The following DNAH11 variants were observed in gnomAD, a reference collection of about 807,000 sequenced individuals.
The protein encoded by DNAH11 is dynein axonemal heavy chain 11.
Under a neutral mutation model 526.0 loss-of-function variants are expected in DNAH11, and 442 were observed. The ratio of observed to expected loss-of-function variants is 0.84; its 90% CI spans 0.78 to 0.91. DNAH11 has a LOEUF of 0.91. DNAH11 is among the 40% of genes least tolerant of loss of function. DNAH11 has a pLI of 0.00. For missense variants in DNAH11, 6,989 were observed against 5,448.7 expected (o/e 1.28, Z -8.90); for synonymous variants, 2,461 against 1,935.9 (o/e 1.27, Z -7.12).
chr7:21,545,827 A>G (rs1782785546), intron 2 of DNAH11, among the ~76,000 whole-genome samples: 2 of 152,186 alleles, frequency 1.3e-5, no homozygotes, highest in Admixed American at 6.5e-5. Context: ...TTTGTGGACT[A>G]GCTTTGAAGA....
chr7:21,555,057 A>C (rs1010394900), intron 2 of DNAH11, among the ~76,000 whole-genome samples: 2 of 152,156 alleles, frequency 1.3e-5, no homozygotes, highest in Non-Finnish European at 2.9e-5. Context: ...TTCACTGGGC[A>C]GGAACTTTTT....
intron 65 of DNAH11, among the ~76,000 whole-genome samples, chr7:21,828,536 C>T (rs1790408465): frequency 6.6e-6 from 1 of 152,030 alleles, no homozygotes; most frequent in African/African-American, 2.4e-5. Flanking sequence ...AGTTGTTTGA[C>T]TTTATCTGAA....
intron 62 of DNAH11, among the ~76,000 whole-genome samples, chr7:21,805,626 A>T (rs17145504): frequency 0.012 from 1,770 of 152,296 alleles, 39 homozygotes; most frequent in African/African-American, 0.04. Flanking sequence ...TTATATAATT[A>T]GACTGTTTTC....
chr7:21,685,640 T>G (rs931565060), intron 32 of DNAH11, among the ~76,000 whole-genome samples: 28 of 152,214 alleles, frequency 1.8e-4, no homozygotes, highest in African/African-American at 6.8e-4. Flanking sequence ...GTTCAGAGAC[T>G]TAAGTCAACT....
chr7:21,695,892 GA>G (rs551747053), intron 35 of DNAH11, among the ~76,000 whole-genome samples: 2,396 of 149,610 alleles, frequency 0.016, 52 homozygotes, highest in African/African-American at 0.053. Flanking sequence ...AATTTAGAAG[GA>G]AAAAAAAACC....
chr7:21,660,828 C>T (rs1203049938), intron 30 of DNAH11, among the ~76,000 whole-genome samples: 2 of 151,912 alleles, frequency 1.3e-5, no homozygotes, highest in Non-Finnish European at 2.9e-5. Context: ...ATTTTACATT[C>T]CATACATTTA....
intron 69 of DNAH11, among the ~76,000 whole-genome samples, chr7:21,862,427 T>G (rs1001671089): frequency 1.3e-5 from 2 of 152,200 alleles, no homozygotes; most frequent in African/African-American, 4.8e-5. Context: ...GCGACTGGGT[T>G]CGTCCATGTT....
intron 62 of DNAH11, among the ~76,000 whole-genome samples, chr7:21,806,124 C>G (rs2127995635): frequency 6.6e-6 from 1 of 152,304 alleles, no homozygotes; most frequent in Middle Eastern, 3.4e-3. Context: ...CATGTTCCAA[C>G]TCTTAAACCC....
intron 20 of DNAH11, among the ~76,000 whole-genome samples, chr7:21,607,449 A>G (rs1250025159): frequency 6.6e-6 from 1 of 152,174 alleles, no homozygotes; most frequent in African/African-American, 2.4e-5. Context: ...CAGTCCAATC[A>G]TGTTGACAGT....
intron 61 of DNAH11, among the ~76,000 whole-genome samples, chr7:21,789,914 C>T (rs1254795213): frequency 1.5e-5 from 2 of 129,170 alleles, no homozygotes; most frequent in Non-Finnish European, 3.2e-5. Flanking sequence ...CTCCCTCCCT[C>T]CCTTCCTTCC....
rs1432039418 is a variant in DNAH11 at position 21,617,619 on chromosome 7, G to A, written c.4096G>A (p.Glu1366Lys). ...MDVELRRFAK[E>K]IWSLNKEVRV... ...GGTTTTTTCCTCCACTTTTCTTTAG[G>A]AAATTTGGTCACTCAACAAGGAAGT... Residue 1366 changes from glutamate (E) to lysine (K), a missense_variant and splice_region_variant, in exon 23 of 82, where the codon GAA (glutamate) becomes AAA (lysine). Transcript: ENST00000409508. 6.2e-7 allele frequency: 1 copy of A among 1,613,580 alleles called. No individual in the cohort carries two copies. Among genetic ancestry groups the A allele is most frequent in the East Asian group, 2.2e-5 (1 of 44,858 alleles).
chr7:21,776,627 G>A (rs1432300822), intron 56 of DNAH11, among the ~76,000 whole-genome samples: 2 of 152,154 alleles, frequency 1.3e-5, no homozygotes, highest in East Asian at 3.8e-4. Flanking sequence ...TTTCTTCATA[G>A]AGAAAGCCTT....
rs753977245 is a variant in DNAH11, at chr7:21,738,683, AAT to A, written c.7646-13_7646-12del. On this transcript the variant is annotated splice_polypyrimidine_tract_variant and intron_variant, in intron 46 of 81. Coordinates refer to ENST00000409508, the MANE Select transcript of DNAH11 (RefSeq NM_001277115.2). The stretch of plus-strand genomic sequence containing the variant: ...TACATTCTGTTGATGGGTGGACAGA[AAT>A]ATATGTTTATTTCAGAAATTCTTGA... 59 of 1,551,436 alleles carry A rather than the reference AAT, an allele frequency of 3.8e-5. No homozygotes were observed. Among genetic ancestry groups the A allele is most frequent in the Non-Finnish European group, 4.6e-5 (53 of 1,149,134 alleles).
chr7:21,700,568 A>C (rs557559530), intron 36 of DNAH11, among the ~76,000 whole-genome samples: 1 of 152,290 alleles, frequency 6.6e-6, no homozygotes, highest in South Asian at 2.1e-4. Context: ...CAAAGTTCTT[A>C]TTCTCAGAAA....
At chr7:21,779,883 T>A (rs1787861201) in intron 57 of DNAH11, among the ~76,000 whole-genome samples, 2 of 152,210 alleles carry the variant, frequency 1.3e-5, no homozygotes, top group African/African-American at 4.8e-5. Context: ...AGGGCCTAAT[T>A]AATAAAAAGT....
chr7:21,805,688 T>C (rs1455916254), intron 62 of DNAH11, among the ~76,000 whole-genome samples: 1 of 152,202 alleles, frequency 6.6e-6, no homozygotes, highest in Non-Finnish European at 1.5e-5. Context: ...AAGTAGGCCC[T>C]ACCATGTGTG....
chr7:21,689,540 C>A (rs1223231521), intron 34 of DNAH11, among the ~76,000 whole-genome samples: 2 of 152,248 alleles, frequency 1.3e-5, no homozygotes, highest in East Asian at 1.9e-4. Context: ...ACACCTTTGA[C>A]TGTGGCTGTC....
intron 2 of DNAH11, among the ~76,000 whole-genome samples, chr7:21,555,544 A>T (rs905950234): frequency 4.6e-5 from 7 of 152,226 alleles, no homozygotes; most frequent in African/African-American, 1.7e-4. Context: ...TCATGGGAGA[A>T]CAGAACTATG....
At chr7:21,789,713 C>T (rs1331474392) in intron 61 of DNAH11, among the ~76,000 whole-genome samples, 2 of 152,070 alleles carry the variant, frequency 1.3e-5, no homozygotes, top group Non-Finnish European at 2.9e-5. Context: ...CTATGAGCCT[C>T]TGTTTTCTCA....
Sources: gnomAD v4.1 joint callset for allele counts (sites outside exome capture counted in the v4.1 genomes callset) on GRCh38, gnomAD v4.1.1 for gene constraint, MANE v1.5 for transcripts, NCBI Gene and HGNC (gene_info 2026-07-23, HGNC 2026-07-21) for gene names.